The following WDR70 variants were observed in gnomAD, a reference collection of about 807,000 sequenced individuals.
WDR70 encodes the protein WD repeat domain 70.
Under a neutral mutation model 88.6 loss-of-function variants are expected in WDR70, and 53 were observed. The observed-to-expected ratio is 0.60, with a 90% CI of 0.48 to 0.75. The LOEUF is 0.75. WDR70 is among the 30% of genes least tolerant of loss of function. WDR70 has a pLI of 0.00. For missense variants in WDR70, 610 were observed against 823.2 expected (o/e 0.74, Z 3.17); for synonymous variants, 280 against 270.0 (o/e 1.04, Z -0.36).
chr5:37,577,155 G>C (rs1743083593), intron 9 of WDR70, among the ~76,000 whole-genome samples: 1 of 152,148 alleles, frequency 6.6e-6, no homozygotes, highest in African/African-American at 2.4e-5. Context: ...TCTAGTCAGG[G>C]AGAAAAATAC....
At chr5:37,725,837 GC>G (rs1747956066) in intron 16 of WDR70, among the ~76,000 whole-genome samples, 1 of 151,916 alleles carries the variant, frequency 6.6e-6, no homozygotes, top group South Asian at 2.1e-4. Flanking sequence ...AACTCCATTA[GC>G]TTTTCATGTT....
intron 10 of WDR70, among the ~76,000 whole-genome samples, chr5:37,638,481 A>G (rs1321719404): frequency 6.6e-6 from 1 of 152,210 alleles, no homozygotes; most frequent in Non-Finnish European, 1.5e-5. Context: ...ACATGCACGC[A>G]CATGCGCGCA....
intron 5 of WDR70, among the ~76,000 whole-genome samples, chr5:37,425,661 T>G (rs1459457965): frequency 6.6e-6 from 1 of 152,212 alleles, no homozygotes; most frequent in Non-Finnish European, 1.5e-5. Flanking sequence ...TTTATGCTGT[T>G]TTTTTTCTTT....
intron 9 of WDR70, among the ~76,000 whole-genome samples, chr5:37,597,913 G>A (rs6888597): frequency 2.0e-5 from 3 of 152,076 alleles, no homozygotes; most frequent in African/African-American, 2.4e-5. Context: ...TTTGCCTTAC[G>A]CAGGGTGGTA....
In WDR70 at chr5:37,437,905, G is replaced by T; in HGVS notation, c.493-17G>T. ...ATGTTATTTTACCATTAATGTCATG[G>T]GGTTTTCTTGTTTCAGAATCCTGTT... On this transcript the variant is annotated splice_polypyrimidine_tract_variant and intron_variant, in intron 5 of 17. Coordinates refer to ENST00000265107, the MANE Select transcript of WDR70 (RefSeq NM_018034.4). 1 of 1,595,974 alleles carries T rather than the reference G, an allele frequency of 6.3e-7. No individual in the cohort carries two copies. The highest frequency in any genetic ancestry group is 8.5e-7 in the Non-Finnish European group (1 of 1,170,344).
intron 10 of WDR70, among the ~76,000 whole-genome samples, chr5:37,658,142 T>G (rs529501673): frequency 3.3e-5 from 5 of 151,744 alleles, no homozygotes; most frequent in Non-Finnish European, 5.9e-5. Flanking sequence ...AAAGGTCTTC[T>G]TCCTCATCAT....
chr5:37,529,890 T>A (rs1741427956), intron 9 of WDR70, among the ~76,000 whole-genome samples: 2 of 152,162 alleles, frequency 1.3e-5, no homozygotes, highest in South Asian at 4.1e-4. Context: ...TGGGCATCCT[T>A]GTCTTGTTTC....
chr5:37,680,756 A>G (rs759564834), intron 10 of WDR70, among the ~76,000 whole-genome samples: 1 of 152,134 alleles, frequency 6.6e-6, no homozygotes, highest in African/African-American at 2.4e-5. Flanking sequence ...CCATTGGTCT[A>G]CGTGTCTGTT....
chr5:37,694,362 G>T (rs1746913444), intron 10 of WDR70, among the ~76,000 whole-genome samples: 1 of 152,148 alleles, frequency 6.6e-6, no homozygotes, highest in Non-Finnish European at 1.5e-5. Flanking sequence ...ATACCCAAAG[G>T]ATCAGATATT....
chr5:37,612,971 A>G (rs1744228300), intron 10 of WDR70, among the ~76,000 whole-genome samples: 1 of 152,220 alleles, frequency 6.6e-6, no homozygotes, highest in Non-Finnish European at 1.5e-5. Flanking sequence ...ATAACTGCAA[A>G]TTACTTGCAG....
At chr5:37,721,085 T>C (rs748489088) in intron 13 of WDR70, 30 bp from the exon 14 acceptor site, 1 of 1,604,980 alleles carries the variant, frequency 6.2e-7, no homozygotes, top group South Asian at 1.1e-5. Context: ...TCTGGCCTCT[T>C]TAGTCAACCA....
chr5:37,543,535 A>T (rs1354143894), intron 9 of WDR70, among the ~76,000 whole-genome samples: 1 of 152,094 alleles, frequency 6.6e-6, no homozygotes, highest in Admixed American at 6.6e-5. Context: ...AGAGATTGAG[A>T]ATACAGATAT....
Position 37,451,993 on chromosome 5 carries a change from A to G in WDR70, c.686+8621A>G, listed in dbSNP as rs190532144. On this transcript the variant is annotated intron_variant, in intron 7 of 17. Coordinates refer to ENST00000265107, the MANE Select transcript of WDR70 (RefSeq NM_018034.4). ...TGGCAACAGAGTGAGACTCCATCTCAACAACAACAACAACAACAACAAAAA... is the reference window on the plus strand; with the variant it reads ...TGGCAACAGAGTGAGACTCCATCTCGACAACAACAACAACAACAACAAAAA... 7.4e-3 allele frequency among the ~76,000 whole-genome samples: 1,131 copies of G among 152,126 alleles called. 23 individuals are homozygous for G. The highest frequency in any genetic ancestry group is 0.031 in the Admixed American group (473 of 15,286).
At position 37,622,000 on chromosome 5, in the gene WDR70, T is replaced by G. The variant is rs1299140221; in HGVS notation, c.1092+16762T>G. The stretch of plus-strand genomic sequence containing the variant: ...TTAAATAGGGAATAGTTTCCCCATT[T>G]CTTGTTTTTGTCAGGTTTGTCAAAG... On this transcript the variant is annotated intron_variant, in intron 10 of 17. Transcript: ENST00000265107. Among the ~76,000 whole-genome samples the G allele has an allele frequency of 1.1e-4, 17 of 152,188 alleles. No homozygotes were observed. The East Asian group carries it at 2.1e-3, about 19-fold the overall frequency.
At chr5:37,543,093 A>G (rs747945898) in intron 9 of WDR70, among the ~76,000 whole-genome samples, 2 of 152,142 alleles carry the variant, frequency 1.3e-5, no homozygotes, top group Non-Finnish European at 2.9e-5. Flanking sequence ...TTGGTAGAAG[A>G]AAGGTCAGTT....
chr5:37,412,496 G>C (rs1292755637), intron 5 of WDR70, among the ~76,000 whole-genome samples: 1 of 151,720 alleles, frequency 6.6e-6, no homozygotes, highest in Non-Finnish European at 1.5e-5. Flanking sequence ...ATAATTAAAT[G>C]GAAACTTTAG....
chr5:37,438,378 G>C (rs1750546726), intron 6 of WDR70, among the ~76,000 whole-genome samples: 1 of 152,056 alleles, frequency 6.6e-6, no homozygotes, highest in African/African-American at 2.4e-5. Flanking sequence ...GATAAGAAAT[G>C]AACTTTAAGT....
intron 9 of WDR70, among the ~76,000 whole-genome samples, chr5:37,550,940 A>G (rs1468269780): frequency 1.3e-5 from 2 of 152,040 alleles, no homozygotes; most frequent in Non-Finnish European, 2.9e-5. Context: ...CTATCTTGTA[A>G]CCCATTATTT....
At chr5:37,708,597 T>C (rs1747424506) in intron 13 of WDR70, among the ~76,000 whole-genome samples, 1 of 152,094 alleles carries the variant, frequency 6.6e-6, no homozygotes, top group Non-Finnish European at 1.5e-5. Flanking sequence ...TTCAGAGAGA[T>C]TGAAGAGGAA....
Sources: gnomAD v4.1 joint callset for allele counts (sites outside exome capture counted in the v4.1 genomes callset) on GRCh38, gnomAD v4.1.1 for gene constraint, MANE v1.5 for transcripts, NCBI Gene and HGNC (gene_info 2026-07-23, HGNC 2026-07-21) for gene names.